The following SUGCT variants were observed in gnomAD, a reference collection of about 807,000 sequenced individuals.
The protein encoded by SUGCT is succinyl-CoA:glutarate-CoA transferase.
SUGCT carries 41 observed loss-of-function variants against 55.0 expected under a neutral mutation model. That is an observed-to-expected ratio of 0.74 (90% CI 0.58 to 0.97). The LOEUF is 0.97. SUGCT is among the 50% of genes least tolerant of loss of function. The pLI, the probability that SUGCT is intolerant of heterozygous loss-of-function variation, is 0.00. For synonymous variants in SUGCT, 187 were observed against 200.4 expected, an observed-to-expected ratio of 0.93 and a Z score of 0.56; for missense variants, 568 against 547.8, an observed-to-expected ratio of 1.04 and a Z score of -0.37.
intron 13 of SUGCT, among the ~76,000 whole-genome samples, chr7:40,791,841 G>C (rs1288161227): frequency 6.6e-5 from 10 of 152,148 alleles, no homozygotes; most frequent in Admixed American, 6.6e-4. Flanking sequence ...AAGTGAATTG[G>C]TTTGTTTGTG....
the SUGCT span, among the ~76,000 whole-genome samples, chr7:40,994,443 T>C: frequency 5.3e-5 from 8 of 152,140 alleles, no homozygotes; most frequent in Non-Finnish European, 8.8e-5. Flanking sequence ...ATATTGCTGT[T>C]TTCTAACTCC....
chr7:40,873,560 CA>C, the SUGCT span, among the ~76,000 whole-genome samples: 1 of 152,256 alleles, frequency 6.6e-6, no homozygotes, highest in Non-Finnish European at 1.5e-5. Context: ...CTCCTTCTCA[CA>C]CTTCAGTCAT....
At chr7:40,509,566 AT>A (rs1220944880) in intron 12 of SUGCT, among the ~76,000 whole-genome samples, 3 of 151,670 alleles carry the variant, frequency 2.0e-5, no homozygotes, top group Non-Finnish European at 4.4e-5. Context: ...GAACAAAATA[AT>A]TTTTTTTTAA....
At chr7:40,508,653 A>G (rs975470972) in intron 12 of SUGCT, among the ~76,000 whole-genome samples, 5 of 152,128 alleles carry the variant, frequency 3.3e-5, no homozygotes, top group African/African-American at 1.2e-4. Flanking sequence ...ATTCTCTTGA[A>G]TGAATGTTTT....
At chr7:40,555,960 C>T (rs533988475) in intron 12 of SUGCT, among the ~76,000 whole-genome samples, 15 of 151,886 alleles carry the variant, frequency 9.9e-5, no homozygotes, top group Non-Finnish European at 2.1e-4. Flanking sequence ...AATGTGTTTG[C>T]CCCTCTTATA....
intron 9 of SUGCT, among the ~76,000 whole-genome samples, chr7:40,326,489 T>A (rs1272386590): frequency 6.6e-6 from 1 of 152,226 alleles, no homozygotes; most frequent in Non-Finnish European, 1.5e-5. Context: ...GCTGAATTTC[T>A]TTCTTAAACT....
At chr7:40,331,473 C>G (rs1191977470) in intron 9 of SUGCT, among the ~76,000 whole-genome samples, 1 of 152,206 alleles carries the variant, frequency 6.6e-6, no homozygotes, top group Non-Finnish European at 1.5e-5. Flanking sequence ...AGGTATATTA[C>G]TACCTGGTGA....
At chr7:40,764,937 A>G (rs970131612) in intron 13 of SUGCT, among the ~76,000 whole-genome samples, 2 of 152,100 alleles carry the variant, frequency 1.3e-5, no homozygotes, top group African/African-American at 2.4e-5. Context: ...TAGTATTCCA[A>G]TCCTAGAGGT....
At chr7:40,364,246 G>A (rs1390462433) in intron 9 of SUGCT, among the ~76,000 whole-genome samples, 2 of 152,144 alleles carry the variant, frequency 1.3e-5, no homozygotes, top group African/African-American at 2.4e-5. Context: ...ACAACACACT[G>A]ATGGGTCTTG....
intron 12 of SUGCT, among the ~76,000 whole-genome samples, chr7:40,615,410 GTGTTA>G (rs1243321189): frequency 2.9e-4 from 44 of 152,226 alleles, no homozygotes; most frequent in Non-Finnish European, 5.3e-4. Flanking sequence ...GTTTATTGTG[GTGTTA>G]TGTTAATTCA....
the SUGCT span, among the ~76,000 whole-genome samples, chr7:40,921,381 A>C: frequency 6.6e-6 from 1 of 152,150 alleles, no homozygotes; most frequent in African/African-American, 2.4e-5. Context: ...GCCAGGGTGG[A>C]AAGGTCCTAG....
intron 8 of SUGCT, among the ~76,000 whole-genome samples, chr7:40,275,409 C>A (rs1055490576): frequency 6.6e-6 from 1 of 152,060 alleles, no homozygotes; most frequent in Non-Finnish European, 1.5e-5. Flanking sequence ...GAAATATATT[C>A]AATGGAAAAA....
At chr7:40,458,935 C>T (rs763102995) in intron 10 of SUGCT, among the ~76,000 whole-genome samples, 166 bp from the exon 11 acceptor site, 1 of 152,172 alleles carries the variant, frequency 6.6e-6, no homozygotes, top group East Asian at 1.9e-4. Flanking sequence ...CCAGCATGTT[C>T]CATCCTAATC....
At chr7:40,690,136 T>C (rs1391925975) in intron 12 of SUGCT, among the ~76,000 whole-genome samples, 1 of 152,198 alleles carries the variant, frequency 6.6e-6, no homozygotes, top group Non-Finnish European at 1.5e-5. Context: ...CCCCTTATTG[T>C]TGAGTCCAAA....
chr7:40,888,157 C>G, the SUGCT span, among the ~76,000 whole-genome samples: 4 of 152,082 alleles, frequency 2.6e-5, no homozygotes, highest in Admixed American at 2.0e-4. Context: ...CTACACAGAC[C>G]GAGAGGAACT....
chr7:40,785,179 A>G (rs1320627102), intron 13 of SUGCT: 4 of 152,190 alleles, frequency 2.6e-5, no homozygotes, highest in Non-Finnish European at 2.9e-5. Flanking sequence ...CATTTCTTCT[A>G]TTAGGGAGAA....
intron 13 of SUGCT, among the ~76,000 whole-genome samples, chr7:40,767,359 G>T (rs1239720034): frequency 6.6e-6 from 1 of 152,156 alleles, no homozygotes; most frequent in East Asian, 1.9e-4. Flanking sequence ...AAACTATATG[G>T]TATTCCTAAG....
intron 9 of SUGCT, among the ~76,000 whole-genome samples, chr7:40,396,814 T>A (rs968248145): frequency 1.3e-5 from 2 of 152,186 alleles, no homozygotes; most frequent in African/African-American, 4.8e-5. Context: ...TCTCCCTCTT[T>A]TGTAAAATAC....
the SUGCT span, among the ~76,000 whole-genome samples, chr7:41,034,178 T>G: frequency 4.6e-5 from 7 of 152,244 alleles, no homozygotes; most frequent in African/African-American, 1.7e-4. Flanking sequence ...TTGAGAGCAT[T>G]TAAATTATGA....
Sources: allele counts gnomAD v4.1 joint callset (sites outside exome capture counted in the v4.1 genomes callset), GRCh38; gene constraint gnomAD v4.1.1; transcripts MANE v1.5; gene names NCBI Gene and HGNC (gene_info 2026-07-23, HGNC 2026-07-21).